Variants in DDX10 observed in about 807,000 individuals in gnomAD.
DDX10 encodes the protein DEAD-box helicase 10, also known as probable ATP-dependent RNA helicase DDX10.
Under a neutral mutation model 104.3 loss-of-function variants are expected in DDX10, and 74 were observed. The ratio of observed to expected loss-of-function variants is 0.71; its 90% confidence interval spans 0.59 to 0.86. The LOEUF (loss-of-function observed/expected upper bound fraction) is 0.86, where lower values mean the gene tolerates loss of function less well. Among genes scored for constraint, DDX10 ranks in the 40% least tolerant of loss-of-function variants. The pLI is 0.00. For missense variants in DDX10, 952 were observed against 1,040.0 expected, an observed-to-expected ratio of 0.92 and a Z score of 1.16; for synonymous variants, 351 against 353.4, an observed-to-expected ratio of 0.99 and a Z score of 0.08.
intron 7 of DDX10, chr11:108,690,634 C>G (rs369333370): frequency 6.4e-6 from 1 of 155,926 alleles, no homozygotes; most frequent in Non-Finnish European, 1.4e-5. Flanking sequence ...CCAGTGGCAA[C>G]ATGCCTTGAA....
chr11:108,898,679 AG>A (rs1863472893), intron 16 of DDX10, among the ~76,000 whole-genome samples: 1 of 151,836 alleles, frequency 6.6e-6, no homozygotes, highest in Admixed American at 6.6e-5. Flanking sequence ...AAAAAAAACA[AG>A]CGAGATTTCT....
Position 108,781,744 on chromosome 11 carries a change from T to C in DDX10, c.1966-56702T>C, listed in dbSNP as rs533876292. The stretch of plus-strand genomic sequence containing the variant: ...CCAAAGAATCGCCCTCTCACCCCCA[T>C]TGTTTGTTTCCTTTCTTGGATGAAC... On this transcript the variant is annotated intron_variant, in intron 13 of 17. Transcript: ENST00000322536. Among the ~76,000 whole-genome samples, 7 of 152,278 alleles carry C rather than the reference T, an allele frequency of 4.6e-5. No homozygotes were observed. The South Asian group carries it at 1.0e-3, about 23-fold the overall frequency.
chr11:108,665,573 C>T (rs117837389), intron 1 of DDX10, among the ~76,000 whole-genome samples: 3,703 of 152,086 alleles, frequency 0.024, 47 homozygotes, highest in Middle Eastern at 0.054. Context: ...GGTAGGGAGA[C>T]TAATGCTGTA....
At chr11:108,785,295 G>T (rs561206197) in intron 13 of DDX10, among the ~76,000 whole-genome samples, 5 of 152,276 alleles carry the variant, frequency 3.3e-5, no homozygotes, top group African/African-American at 1.2e-4. Context: ...TGTGGTGAGT[G>T]AACTTTTTGA....
chr11:108,916,203 A>G (rs1172491904), intron 16 of DDX10, among the ~76,000 whole-genome samples: 3 of 152,170 alleles, frequency 2.0e-5, no homozygotes, highest in African/African-American at 7.2e-5. Context: ...ACCTTCAGAT[A>G]GTACATTCCT....
chr11:108,828,371 T>C (rs2134584171), intron 13 of DDX10, among the ~76,000 whole-genome samples: 1 of 152,276 alleles, frequency 6.6e-6, no homozygotes, highest in African/African-American at 2.4e-5. Context: ...CCTTATAAGT[T>C]AGCTCTCACA....
chr11:108,936,198 G>A (rs7113892), intron 17 of DDX10, among the ~76,000 whole-genome samples: 1 of 152,022 alleles, frequency 6.6e-6, no homozygotes, highest in Non-Finnish European at 1.5e-5. Flanking sequence ...CTGTCATCAT[G>A]TGTTCAGATT....
intron 9 of DDX10, among the ~76,000 whole-genome samples, chr11:108,705,546 T>A (rs1262087719): frequency 6.6e-6 from 1 of 152,194 alleles, no homozygotes; most frequent in East Asian, 1.9e-4. Flanking sequence ...TACTTGTGTG[T>A]TTGTTTTTTC....
At chr11:108,680,846 G>A (rs927310210) in intron 6 of DDX10, among the ~76,000 whole-genome samples, 4 of 152,128 alleles carry the variant, frequency 2.6e-5, no homozygotes, top group African/African-American at 9.7e-5. Flanking sequence ...GAGACGAAGA[G>A]GCCAGATTCT....
intron 16 of DDX10, among the ~76,000 whole-genome samples, chr11:108,908,864 C>T (rs955752878): frequency 6.6e-6 from 1 of 152,182 alleles, no homozygotes; most frequent in Non-Finnish European, 1.5e-5. Flanking sequence ...CCTGCACAGT[C>T]GTCCTGTGAA....
At chr11:108,736,433 G>C (rs1436729031) in intron 13 of DDX10, among the ~76,000 whole-genome samples, 1 of 152,084 alleles carries the variant, frequency 6.6e-6, no homozygotes, top group African/African-American at 2.4e-5. Flanking sequence ...GGATGGGCGG[G>C]ATTTGGCCTT....
At chr11:108,852,712 A>C (rs764564499) in intron 16 of DDX10, among the ~76,000 whole-genome samples, 1 of 152,220 alleles carries the variant, frequency 6.6e-6, no homozygotes. Flanking sequence ...CAGCAAATAC[A>C]TATGTACAGT....
intron 13 of DDX10, among the ~76,000 whole-genome samples, chr11:108,802,001 A>C (rs1862028048): frequency 8.1e-6 from 1 of 123,678 alleles, no homozygotes; most frequent in Non-Finnish European, 1.7e-5. Context: ...GGGGAGAGAA[A>C]GTGAGTGGGG....
At chr11:108,683,477 T>A (rs972344653) in intron 6 of DDX10, among the ~76,000 whole-genome samples, 4 of 152,194 alleles carry the variant, frequency 2.6e-5, no homozygotes, top group African/African-American at 9.6e-5. Context: ...CTCAGGGCAT[T>A]TCTGTTTTTT....
intron 13 of DDX10, among the ~76,000 whole-genome samples, chr11:108,835,378 G>A (rs747077017): frequency 2.4e-4 from 36 of 152,186 alleles, no homozygotes; most frequent in Non-Finnish European, 4.4e-4. Flanking sequence ...CCTGGGAGGT[G>A]GAGGAAGTGG....
intron 13 of DDX10, among the ~76,000 whole-genome samples, chr11:108,784,029 A>G (rs1861748689): frequency 1.3e-5 from 2 of 152,198 alleles, no homozygotes; most frequent in South Asian, 2.1e-4. Flanking sequence ...TATATGTTCC[A>G]CATTTTATTT....
intron 16 of DDX10, among the ~76,000 whole-genome samples, chr11:108,889,448 C>G (rs184109579): frequency 6.6e-6 from 1 of 151,960 alleles, no homozygotes; most frequent in Non-Finnish European, 1.5e-5. Flanking sequence ...AATAATAAAA[C>G]CTTTAAAACT....
chr11:108,786,447 G>A (rs1165734331), intron 13 of DDX10, among the ~76,000 whole-genome samples: 1 of 152,162 alleles, frequency 6.6e-6, no homozygotes, highest in Non-Finnish European at 1.5e-5. Context: ...TCAGTGTGGT[G>A]TTGAACTCTC....
At chr11:108,811,680 G>C (rs773660603) in intron 13 of DDX10, among the ~76,000 whole-genome samples, 2 of 152,030 alleles carry the variant, frequency 1.3e-5, no homozygotes, top group Admixed American at 1.3e-4. Flanking sequence ...CATCCAACAT[G>C]CTTGCCTTTT....
Sources: allele counts gnomAD v4.1 joint callset (sites outside exome capture counted in the v4.1 genomes callset), GRCh38; gene constraint gnomAD v4.1.1; transcripts MANE v1.5; gene names NCBI Gene and HGNC (gene_info 2026-07-23, HGNC 2026-07-21).